FHAD1: variants seen among roughly 807,000 people sequenced by gnomAD.
The protein encoded by FHAD1 is forkhead-associated domain-containing protein 1.
In FHAD1, 146 loss-of-function variants were observed where a neutral mutation model predicts 191.3. The ratio of observed to expected loss-of-function variants is 0.76; its 90% CI spans 0.67 to 0.88. FHAD1 has a LOEUF of 0.88. Among genes scored for constraint, FHAD1 ranks in the 40% least tolerant of loss-of-function variants. The pLI, the probability that FHAD1 is intolerant of heterozygous loss-of-function variation, is 0.00. For missense variants in FHAD1, 1,635 were observed against 1,785.8 expected (o/e 0.92, Z 1.52); for synonymous variants, 616 against 672.3 (o/e 0.92, Z 1.29).
At chr1:15,373,396 C>T (rs927614658) in intron 26 of FHAD1, among the ~76,000 whole-genome samples, 2 of 143,764 alleles carry the variant, frequency 1.4e-5, no homozygotes, top group Non-Finnish European at 2.9e-5. Flanking sequence ...CCTGTAATCC[C>T]AGCTACTCAG....
At chr1:15,383,507 T>C (rs1375643617) in intron 31 of FHAD1, 1 of 344,314 alleles carries the variant, frequency 2.9e-6, no homozygotes, top group Non-Finnish European at 5.8e-6. Context: ...CCCTGAAAGC[T>C]GGCAGAGGGG....
At chr1:15,324,923 T>C (rs10127455) in intron 11 of FHAD1, 76,387 of 285,398 alleles carry the variant, frequency 0.27, 11,438 homozygotes, top group South Asian at 0.35. Flanking sequence ...TTTCTTCCCC[T>C]TGGGCCCCAG....
chr1:15,367,465 G>A lies in FHAD1; in HGVS notation c.3157G>A (p.Glu1053Lys), dbSNP rs538892644. 59 of 1,551,144 alleles carry A rather than the reference G, an allele frequency of 3.8e-5. 3 individuals carry two copies. In the South Asian group the frequency reaches 6.4e-4, roughly 17 times the overall value. Residue 1053 changes from glutamate (E) to lysine (K), a missense_variant and splice_region_variant, in exon 25 of 34, where the codon GAG becomes AAG. Coordinates refer to ENST00000688493, the MANE Select transcript of FHAD1 (RefSeq NM_001391957.1). ...ACCGGCCCTCCTGTCACTCGCAGGG[G>A]AGCTAAACGAGAAGCAGAAGATGGA... The part of the protein sequence containing the change: ...AHSRMSDLRG[E>K]LNEKQKMELE...
At chr1:15,253,297 T>C (rs1469355723) in intron 2 of FHAD1, among the ~76,000 whole-genome samples, 4 of 152,164 alleles carry the variant, frequency 2.6e-5, no homozygotes, top group Admixed American at 1.3e-4. Flanking sequence ...CCTCTTCTGC[T>C]TCCTTTCCCT....
chr1:15,291,206 C>T (rs1664646245), intron 4 of FHAD1, among the ~76,000 whole-genome samples: 3 of 151,502 alleles, frequency 2.0e-5, no homozygotes, highest in Admixed American at 2.0e-4. Context: ...CTCAGCCTCC[C>T]AAGTAGCTGG....
At chr1:15,336,413 C>T (rs947607259) in intron 14 of FHAD1, among the ~76,000 whole-genome samples, 2 of 152,074 alleles carry the variant, frequency 1.3e-5, no homozygotes, top group African/African-American at 4.8e-5. Context: ...TCTCTTGGCC[C>T]ACCTTTTATT....
intron 20 of FHAD1, among the ~76,000 whole-genome samples, chr1:15,356,994 G>A (rs1693019693): frequency 6.6e-6 from 1 of 152,142 alleles, no homozygotes; most frequent in African/African-American, 2.4e-5. Flanking sequence ...CTTCTCCCCT[G>A]GGGTGGTTTC....
At chr1:15,286,206 A>G (rs755728077) in intron 3 of FHAD1, among the ~76,000 whole-genome samples, 16 of 152,182 alleles carry the variant, frequency 1.1e-4, no homozygotes, top group Non-Finnish European at 1.9e-4. Context: ...TTTTTTTACA[A>G]TTAAACAAAA....
chr1:15,257,454 C>T (rs146974931), intron 2 of FHAD1, among the ~76,000 whole-genome samples: 8 of 152,362 alleles, frequency 5.3e-5, no homozygotes, highest in Non-Finnish European at 8.8e-5. Flanking sequence ...GGTCCTGTGA[C>T]GAAATCCACC....
In FHAD1 at chr1:15,345,075, G is replaced by T; in HGVS notation, c.2131-8G>T. 3.9e-6 allele frequency: 6 copies of T among 1,548,552 alleles called. No individual in the cohort carries two copies. The highest frequency in any genetic ancestry group is 5.2e-6 in the Non-Finnish European group (6 of 1,144,330). On this transcript the variant is annotated splice_region_variant and splice_polypyrimidine_tract_variant and intron_variant, in intron 16 of 33. Transcript: ENST00000688493. ...CATGTCTGTTAAACAATGGTCATTG[G>T]TTTCCAGGCTTTGGAGGAGTACATT...
intron 20 of FHAD1, among the ~76,000 whole-genome samples, chr1:15,354,718 T>G (rs1692141751): frequency 6.6e-6 from 1 of 152,132 alleles, no homozygotes; most frequent in Non-Finnish European, 1.5e-5. Flanking sequence ...TGAGTCACAA[T>G]TTTTACTCCA....
At chr1:15,296,815 G>A in intron 5 of FHAD1, 22 bp downstream of exon 5, 2 of 1,539,744 alleles carry the variant, frequency 1.3e-6, no homozygotes, top group Non-Finnish European at 8.8e-7. Context: ...GTCTGGGGAA[G>A]GGTGGAGCTG....
chr1:15,306,464 G>T (rs1390262530), intron 6 of FHAD1, among the ~76,000 whole-genome samples: 1 of 152,178 alleles, frequency 6.6e-6, no homozygotes, highest in Non-Finnish European at 1.5e-5. Flanking sequence ...AATCCCCAAG[G>T]CCATGGGGAA....
At chr1:15,322,027 G>A (rs1676489240) in intron 10 of FHAD1, among the ~76,000 whole-genome samples, 1 of 152,104 alleles carries the variant, frequency 6.6e-6, no homozygotes, top group Admixed American at 6.5e-5. Context: ...TTGCACCATT[G>A]TATAATCTTT....
At chr1:15,359,000 A>C (rs1433689975) in intron 21 of FHAD1, among the ~76,000 whole-genome samples, 2 of 152,050 alleles carry the variant, frequency 1.3e-5, no homozygotes, top group Admixed American at 6.6e-5. Context: ...CGATGGCAGG[A>C]CTTGATAACT....
At chr1:15,252,005 C>T in intron 2 of FHAD1, 128 bp downstream of exon 2, 1 of 767,476 alleles carries the variant, frequency 1.3e-6, no homozygotes, top group Non-Finnish European at 2.1e-6. Context: ...CCATACCTTT[C>T]CTTGGTGTGC....
intron 4 of FHAD1, among the ~76,000 whole-genome samples, chr1:15,294,499 T>C (rs1666264825): frequency 6.6e-6 from 1 of 152,166 alleles, no homozygotes; most frequent in African/African-American, 2.4e-5. Context: ...GTTCAAGCGA[T>C]TCTCCTGCCT....
At position 15,329,220 on chromosome 1, in the gene FHAD1, C is replaced by T. The variant is rs1286387507; in HGVS notation, c.1711-126C>T. ...AAAAAAGAAAAAAACTGAGTCCTCCCAAGGCGGCCAATACGTGGCGCTGCC... is the reference window on the plus strand; with the variant it reads ...AAAAAAGAAAAAAACTGAGTCCTCCTAAGGCGGCCAATACGTGGCGCTGCC... On this transcript the variant is annotated intron_variant, in intron 13 of 33. Transcript: ENST00000688493. The surrounding 1 kb of genome is among the most constrained non-coding windows in gnomAD (Gnocchi z 5.0). 4.2e-6 allele frequency: 3 copies of T among 713,900 alleles called. No individual in the cohort carries two copies. The highest frequency in any genetic ancestry group is 3.6e-5 in the African/African-American group (2 of 56,046). The allele number at this position is 713,900 out of a possible 1,614,324, so 44.2% of individuals were successfully genotyped here.
chr1:15,293,650 A>G (rs575894928), intron 4 of FHAD1, among the ~76,000 whole-genome samples: 43 of 152,250 alleles, frequency 2.8e-4, no homozygotes, highest in East Asian at 7.7e-4. Context: ...CCCGGGAGGC[A>G]GAGGTTGCAG....
Sources: gnomAD v4.1 joint callset for allele counts (sites outside exome capture counted in the v4.1 genomes callset) on GRCh38, gnomAD v4.1.1 for gene constraint, Gnocchi (gnomAD v3.1) non-coding constraint, MANE v1.5 for transcripts, NCBI Gene and HGNC (gene_info 2026-07-23, HGNC 2026-07-21) for gene names.